TRIP13: variants seen among roughly 807,000 people sequenced by gnomAD.
TRIP13 encodes the protein thyroid hormone receptor interactor 13.
In TRIP13, 25 loss-of-function variants were observed where a neutral mutation model predicts 54.4. That is an observed-to-expected ratio of 0.46 (90% CI 0.33 to 0.64). TRIP13 has a LOEUF of 0.64. TRIP13 is among the 30% of genes least tolerant of loss of function. The probability of loss-of-function intolerance (pLI) is 0.02; values close to 1 mark genes in which losing one functional copy is unlikely to be tolerated. For synonymous variants in TRIP13, 207 were observed against 207.8 expected, an observed-to-expected ratio of 1.00 and a Z score of 0.03; for missense variants, 373 against 534.2, an observed-to-expected ratio of 0.70 and a Z score of 2.97.
At chr5:902,176 T>G (rs957292207) in intron 5 of TRIP13, among the ~76,000 whole-genome samples, 1 of 152,170 alleles carries the variant, frequency 6.6e-6, no homozygotes, top group Non-Finnish European at 1.5e-5. Context: ...AAAATACTGA[T>G]GGTTTGTTGT....
intron 2 of TRIP13, 50 bp from the exon 3 acceptor site, chr5:896,615 T>A: frequency 6.3e-7 from 1 of 1,578,236 alleles, no homozygotes; most frequent in South Asian, 1.2e-5. Flanking sequence ...TGGTTGCAGT[T>A]AAGTGAGAGT....
chr5:909,211 T>C (rs1198632047), intron 9 of TRIP13, among the ~76,000 whole-genome samples: 1 of 152,174 alleles, frequency 6.6e-6, no homozygotes, highest in African/African-American at 2.4e-5. Context: ...CCAGGGCCTG[T>C]TGTCATTGTA....
chr5:899,916 C>T (rs1753945104), intron 3 of TRIP13, among the ~76,000 whole-genome samples: 2 of 138,280 alleles, frequency 1.4e-5, no homozygotes, highest in Admixed American at 7.2e-5. Context: ...GGGCTTCATT[C>T]AGTCAGTGTG....
rs1376816392 is a variant in TRIP13, at chr5:917,118, A to G, written c.*15A>G. 6.2e-7 allele frequency: 1 copy of G among 1,613,420 alleles called. No homozygotes were observed. Among genetic ancestry groups the G allele is most frequent in the East Asian group, 2.2e-5 (1 of 44,860 alleles). On this transcript the variant is annotated 3_prime_UTR_variant, in exon 13 of 13. Coordinates refer to ENST00000166345, the MANE Select transcript of TRIP13 (RefSeq NM_004237.4). ...CTTACATCTGATCCTGGGCTTCCCC[A>G]TCTGGTGCTTTTCCCATGGAGAACA...
At chr5:902,646 G>A (rs2150684537) in intron 5 of TRIP13, among the ~76,000 whole-genome samples, 1 of 151,862 alleles carries the variant, frequency 6.6e-6, no homozygotes, top group South Asian at 2.1e-4. Context: ...ACGAGAGAGT[G>A]TAGAAATAAA....
intron 1 of TRIP13, among the ~76,000 whole-genome samples, chr5:894,188 T>C (rs1203010021): frequency 2.0e-5 from 3 of 152,084 alleles, no homozygotes; most frequent in South Asian, 2.1e-4. Flanking sequence ...AGACATTGAA[T>C]AGGACTTAGA....
rs909832300 is a variant in TRIP13 at position 912,673 on chromosome 5, G to A, written c.1020+677G>A. On this transcript the variant is annotated intron_variant, in intron 10 of 12. Coordinates refer to ENST00000166345, the MANE Select transcript of TRIP13 (RefSeq NM_004237.4). This position sits in a 1 kb window ranked among gnomAD's most constrained non-coding sequence, Gnocchi z 7.2. ...GTGAGTGTGAGTCAGTAAGGCCGTC[G>A]CCATGGGCACAGTGACGCGTGTGGT... Among the ~76,000 whole-genome samples the A allele has an allele frequency of 3.3e-5, 5 of 151,848 alleles. No individual in the cohort carries two copies. The highest frequency in any genetic ancestry group is 1.3e-4 in the Admixed American group (2 of 15,268).
intron 2 of TRIP13, 140 bp downstream of exon 2, chr5:895,092 T>C (rs1560943332): frequency 1.1e-6 from 1 of 892,800 alleles, no homozygotes; most frequent in South Asian, 1.8e-5. Context: ...CAAGTTCTTT[T>C]CACTAGCTGT....
At chr5:918,806 G>A (rs964419052), downstream of TRIP13, among the ~76,000 whole-genome samples, 6 of 152,126 alleles carry the variant, frequency 3.9e-5, no homozygotes, top group Admixed American at 2.0e-4. The surrounding 1 kb of genome is among the most constrained non-coding windows in gnomAD (Gnocchi z 4.3). Flanking sequence ...GGTTAGGCCC[G>A]TCTCGCCTTT....
chr5:897,045 A>C (rs1235061144), intron 3 of TRIP13, among the ~76,000 whole-genome samples: 1 of 152,232 alleles, frequency 6.6e-6, no homozygotes, highest in African/African-American at 2.4e-5. Flanking sequence ...TGCTCTTCTC[A>C]CATGCCTGCT....
intron 1 of TRIP13, among the ~76,000 whole-genome samples, chr5:893,355 T>A (rs1753748409): frequency 6.6e-6 from 1 of 150,612 alleles, no homozygotes; most frequent in African/African-American, 2.5e-5. Context: ...CGACCCGACC[T>A]CAGCTCACGG....
intron 2 of TRIP13, 90 bp from the exon 3 acceptor site, chr5:896,575 T>C: frequency 7.1e-7 from 1 of 1,401,640 alleles, no homozygotes; most frequent in Non-Finnish European, 9.7e-7. Context: ...CATTCAGTTT[T>C]TATTTGTAGA....
chr5:894,719 A>T, intron 1 of TRIP13, 68 bp from the exon 2 acceptor site: 1 of 1,519,950 alleles, frequency 6.6e-7, no homozygotes, highest in Non-Finnish European at 8.8e-7. Context: ...AGTTTTTCAA[A>T]ACACTTCATT....
In TRIP13 at chr5:908,149, G is replaced by A; in HGVS notation, c.759+75G>A. ...TGTGGGGACACAGCCTACTCCTGAT[G>A]CTCCTAGCTTTCCCCTCCTACAGCC... On this transcript the variant is annotated intron_variant, in intron 8 of 12. Coordinates refer to ENST00000166345, the MANE Select transcript of TRIP13 (RefSeq NM_004237.4). This position sits in a 1 kb window ranked among gnomAD's most constrained non-coding sequence, Gnocchi z 5.2. The A allele has an allele frequency of 6.5e-7, 1 of 1,545,046 alleles. No homozygotes were observed. Among genetic ancestry groups the A allele is most frequent in the Admixed American group, 1.7e-5 (1 of 59,812 alleles).
Position 908,241 on chromosome 5 carries a change from C to A in TRIP13, c.760-114C>A. 3.5e-6 allele frequency: 5 copies of A among 1,416,188 alleles called. No homozygotes were observed. Among genetic ancestry groups the A allele is most frequent in the South Asian group, 1.2e-5 (1 of 83,924 alleles). 87.7% of individuals were successfully genotyped at this position (1,416,188 alleles called of 1,614,324 possible). A position where few individuals can be genotyped will look rare whatever the true frequency, so the allele number is the denominator to read the frequency against. On this transcript the variant is annotated intron_variant, in intron 8 of 12. Coordinates refer to ENST00000166345, the MANE Select transcript of TRIP13 (RefSeq NM_004237.4). The surrounding 1 kb of genome is among the most constrained non-coding windows in gnomAD (Gnocchi z 5.2). ...CTTGCCGCAGCATCCGCAGGCTAGG[C>A]ACGGGAACACCCATTCATTCATCTT...
chr5:910,393 AG>A (rs1754205913), intron 9 of TRIP13, among the ~76,000 whole-genome samples: 1 of 152,126 alleles, frequency 6.6e-6, no homozygotes, highest in Admixed American at 6.5e-5. Flanking sequence ...AGCATAGCTC[AG>A]GGTTCTGTGG....
rs1439231290 is a variant in TRIP13 at position 907,155 on chromosome 5, A to G, written c.634A>G (p.Ile212Val). The G allele has an allele frequency of 6.2e-7, 1 of 1,614,136 alleles. No homozygotes were observed. The highest frequency in any genetic ancestry group is 2.2e-5 in the East Asian group (1 of 44,886). ...SRYRYGQLIE[I>V]NSHSLFSKWF... ...GTACCGATATGGCCAATTAATTGAA[A>G]TAAACAGCCACAGCCTCTTTTCTAA... The change falls in exon 7 of 13, where the codon ATA becomes GTA. Residue 212 changes from isoleucine (I) to valine (V), a missense_variant. Ile to Val is a conservative substitution (Grantham distance 29). Around this residue, in one of 4 missense-constraint regions of TRIP13, gnomAD observed 119 missense variants for 223.0 expected, o/e 0.53. Coordinates refer to ENST00000166345, the MANE Select transcript of TRIP13 (RefSeq NM_004237.4). This position sits in a 1 kb window ranked among gnomAD's most constrained non-coding sequence, Gnocchi z 4.1.
chr5:900,745 G>A (rs1465424715), intron 4 of TRIP13, among the ~76,000 whole-genome samples, 196 bp downstream of exon 4: 1 of 152,180 alleles, frequency 6.6e-6, no homozygotes, highest in African/African-American at 2.4e-5. Flanking sequence ...CTCCCTGAGG[G>A]AGAAGAGGGA....
intron 4 of TRIP13, 71 bp from the exon 5 acceptor site, chr5:901,270 G>A: frequency 1.4e-6 from 2 of 1,416,468 alleles, no homozygotes. Context: ...AAGCCCTGGG[G>A]GAGGGCACAT....
Sources: allele counts gnomAD v4.1 joint callset (sites outside exome capture counted in the v4.1 genomes callset), GRCh38; gene constraint gnomAD v4.1.1; regional missense constraint gnomAD v4.1.1; non-coding constraint Gnocchi (gnomAD v3.1); transcripts MANE v1.5; gene names NCBI Gene and HGNC (gene_info 2026-07-23, HGNC 2026-07-21).